ZBTB17: variants seen among roughly 807,000 people sequenced by gnomAD.
The protein encoded by ZBTB17 is zinc finger and BTB domain-containing protein 17.
A neutral mutation model predicts 85.1 loss-of-function variants in ZBTB17; 24 were observed. The observed-to-expected ratio is 0.28, with a 90% CI of 0.20 to 0.40. ZBTB17 has a LOEUF of 0.40. ZBTB17 is among the 10% of genes least tolerant of loss of function. ZBTB17 has a pLI of 1.00. For synonymous variants in ZBTB17, 464 were observed against 460.2 expected (o/e 1.01, Z -0.11); for missense variants, 743 against 1,105.1 (o/e 0.67, Z 4.65).
At chr1:15,968,969 G>T (rs778368239) in intron 2 of ZBTB17, among the ~76,000 whole-genome samples, 4 of 152,266 alleles carry the variant, frequency 2.6e-5, no homozygotes, top group Non-Finnish European at 5.9e-5. Flanking sequence ...TCCGTGGCCT[G>T]TTAGGAAGTG....
At position 15,950,283 on chromosome 1, in the gene ZBTB17, GCGCTGCTC is replaced by G. The variant is rs2071785852; in HGVS notation, c.-2-1794_-2-1787del. On this transcript the variant is annotated intron_variant, in intron 2 of 15. Coordinates refer to ENST00000375743, the MANE Select transcript of ZBTB17 (RefSeq NM_003443.3). ...AGGAACGCAAGGGAGAATCGTGGCT[GCGCTGCTC>G]CTATGCACTGGACATGGGGAGGCAC... is the stretch of plus-strand genomic sequence containing the variant. Among the ~76,000 whole-genome samples the G allele has an allele frequency of 3.3e-5, 5 of 152,264 alleles. No individual in the cohort carries two copies. In the South Asian group the frequency reaches 1.0e-3, roughly 31 times the overall value.
rs748651002 is a variant in ZBTB17, at chr1:15,942,383, C to T, written c.2076G>A (p.Thr692=). 4.6e-5 allele frequency: 74 copies of T among 1,613,700 alleles called. No individual in the cohort carries two copies. In the Middle Eastern group the frequency reaches 6.6e-4, roughly 14 times the overall value. ...TGCTGATCTCGGCCTTCAGGACTTC[C>T]GTCTCATCGGCTGTCACTGCAGCTC... ...PVGAAVTADE[T]EVLKAEISKA... The change falls in exon 15 of 16, where the codon ACG becomes ACA. Residue 692 remains threonine, a synonymous_variant. Transcript: ENST00000375743.
intron 2 of ZBTB17, 21 bp from the exon 3 acceptor site, chr1:15,948,518 T>C: frequency 1.9e-6 from 3 of 1,610,418 alleles, no homozygotes; most frequent in South Asian, 1.1e-5. Context: ...CCAAAGGGCG[T>C]TGGGGTTAGC....
intron 2 of ZBTB17, among the ~76,000 whole-genome samples, chr1:15,967,002 T>C (rs879909979): frequency 2.1e-4 from 32 of 152,274 alleles, no homozygotes; most frequent in Middle Eastern, 6.8e-3. Flanking sequence ...CAATATGTTT[T>C]GTACATAAAA....
In ZBTB17 at chr1:15,976,066, G is replaced by A. The variant is rs1290021781; in HGVS notation, c.-173C>T. The A allele has an allele frequency of 8.7e-6, 6 of 689,438 alleles. No individual in the cohort carries two copies. Among genetic ancestry groups the A allele is most frequent in the Non-Finnish European group, 1.6e-5 (6 of 378,960 alleles). 42.7% of individuals were successfully genotyped at this position (689,438 alleles called of 1,614,324 possible). A position where few individuals can be genotyped will look rare whatever the true frequency, so the allele number is the denominator to read the frequency against. On this transcript the variant is annotated 5_prime_UTR_variant, in exon 1 of 16. Transcript: ENST00000375743. ...GGACGGCACTCCAGAGCAGACAAAG[G>A]GCGCCGCCATGTTAGAGTCGGGCGG...
In ZBTB17 at chr1:15,953,552, G is replaced by A. The variant is rs2071941438; in HGVS notation, c.-2-5055C>T. 6.6e-6 allele frequency among the ~76,000 whole-genome samples: 1 copy of A among 152,250 alleles called. No individual in the cohort carries two copies. The highest frequency in any genetic ancestry group is 1.5e-5 in the Non-Finnish European group (1 of 68,034). ...CCAGAAAGCACAACCCATTGCATCTGTCTTGCAGTCCCAAAGCACCACAGA... is the reference window on the plus strand; with the variant it reads ...CCAGAAAGCACAACCCATTGCATCTATCTTGCAGTCCCAAAGCACCACAGA... On this transcript the variant is annotated intron_variant, in intron 2 of 15. Coordinates refer to ENST00000375743, the MANE Select transcript of ZBTB17 (RefSeq NM_003443.3). This position sits in a 1 kb window ranked among gnomAD's most constrained non-coding sequence, Gnocchi z 5.1.
At chr1:15,958,854 G>A (rs1476063008) in intron 2 of ZBTB17, among the ~76,000 whole-genome samples, 2 of 152,218 alleles carry the variant, frequency 1.3e-5, no homozygotes, top group Non-Finnish European at 2.9e-5. Context: ...ACAGGAGGGA[G>A]GGGACAAAGT....
Position 15,947,085 on chromosome 1 carries a change from G to A in ZBTB17, c.244C>T (p.Leu82=). 6.2e-7 allele frequency: 1 copy of A among 1,613,868 alleles called. No individual in the cohort carries two copies. The highest frequency in any genetic ancestry group is 8.5e-7 in the Non-Finnish European group (1 of 1,179,888). The change falls in exon 4 of 16, where the codon CTG becomes TTG. Residue 82 remains leucine, a synonymous_variant. Transcript: ENST00000375743. ...QVLEFMYTAK[L]SLSPENVDDV... is the part of the protein sequence containing the mutation. ...TCCACGTTCTCAGGGCTCAGGCTCA[G>A]CTTGGCCGTGTACATAAACTCCAGC...
At chr1:15,958,556 C>G (rs574624021) in intron 2 of ZBTB17, among the ~76,000 whole-genome samples, 12 of 152,226 alleles carry the variant, frequency 7.9e-5, no homozygotes, top group African/African-American at 2.6e-4. Context: ...GGTCCAATCT[C>G]CATAACTGGT....
Position 15,947,071 on chromosome 1 carries a change from A to C in ZBTB17, c.258T>G (p.Pro86=), listed in dbSNP as rs1055105981. 1.2e-6 allele frequency: 2 copies of C among 1,613,946 alleles called. No individual in the cohort carries two copies. The highest frequency in any genetic ancestry group is 2.7e-5 in the African/African-American group (2 of 74,946). ...CGGCCAGCACATCATCCACGTTCTC[A>C]GGGCTCAGGCTCAGCTTGGCCGTGT... ...FMYTAKLSLS[P]ENVDDVLAVA... Residue 86 remains proline, a synonymous_variant, in exon 4 of 16, where the codon CCT becomes CCG. Transcript: ENST00000375743.
chr1:15,970,248 G>A (rs1043368752), intron 2 of ZBTB17: 4 of 429,464 alleles, frequency 9.3e-6, no homozygotes, highest in Non-Finnish European at 1.7e-5. Flanking sequence ...GAAGGGTGAG[G>A]AGGACAAAGG....
chr1:15,955,017 G>T (rs2071994645), intron 2 of ZBTB17, among the ~76,000 whole-genome samples: 1 of 152,170 alleles, frequency 6.6e-6, no homozygotes, highest in Admixed American at 6.5e-5. Context: ...AGCTGGGTGT[G>T]GTGGTGCGCA....
intron 2 of ZBTB17, among the ~76,000 whole-genome samples, chr1:15,955,843 C>G (rs1195981302): frequency 1.3e-5 from 2 of 152,196 alleles, no homozygotes; most frequent in Non-Finnish European, 2.9e-5. Flanking sequence ...CACCACTGCA[C>G]TCCAGCCTAG....
At chr1:15,965,241 A>G (rs1045730942) in intron 2 of ZBTB17, among the ~76,000 whole-genome samples, 2 of 152,194 alleles carry the variant, frequency 1.3e-5, no homozygotes, top group Non-Finnish European at 2.9e-5. Flanking sequence ...AGTATCCAAA[A>G]TAAGAAATAA....
At chr1:15,946,021 G>A (rs1039809671) in intron 5 of ZBTB17, 133 bp downstream of exon 5, 9 of 1,550,570 alleles carry the variant, frequency 5.8e-6, no homozygotes, top group Non-Finnish European at 7.9e-6. Flanking sequence ...CACACAATAG[G>A]TCATTCTGGG....
At position 15,946,161 on chromosome 1, in the gene ZBTB17, C is replaced by T. The variant is rs199727785; in HGVS notation, c.528G>A (p.Ala176=). 13 of 1,607,080 alleles carry T rather than the reference C, an allele frequency of 8.1e-6. No homozygotes were observed. Among genetic ancestry groups the T allele is most frequent in the African/African-American group, 8.0e-5 (6 of 75,028 alleles). ...CCTTGGCATCTGACTCACCGCTGGC[C>T]GCACTCTGGGCCTGACCGCCGCGCT... ...KEERGGQAQS[A]ASGAEQTEKA... The change falls in exon 5 of 16, where the codon GCG becomes GCA. Residue 176 remains alanine, a synonymous_variant. Transcript: ENST00000375743.
chr1:15,946,795 C>T, intron 4 of ZBTB17, 140 bp downstream of exon 4: 2 of 1,117,074 alleles, frequency 1.8e-6, no homozygotes, highest in Non-Finnish European at 2.5e-6. Flanking sequence ...CACCCTCAGA[C>T]CTGAGGCTAA....
chr1:15,954,587 G>A (rs193025034), intron 2 of ZBTB17, among the ~76,000 whole-genome samples: 78 of 152,304 alleles, frequency 5.1e-4, no homozygotes, highest in African/African-American at 1.7e-3. Context: ...AGCCAGGCAC[G>A]GTGGCTCACA....
intron 2 of ZBTB17, among the ~76,000 whole-genome samples, chr1:15,958,644 T>C (rs933374655): frequency 2.0e-5 from 3 of 152,010 alleles, no homozygotes; most frequent in African/African-American, 7.3e-5. Flanking sequence ...TAAGGCTGGG[T>C]CTGAGCCCCA....
Sources: allele counts gnomAD v4.1 joint callset (sites outside exome capture counted in the v4.1 genomes callset), GRCh38; gene constraint gnomAD v4.1.1; non-coding constraint Gnocchi (gnomAD v3.1); transcripts MANE v1.5; gene names NCBI Gene and HGNC (gene_info 2026-07-23, HGNC 2026-07-21).